Variants in SUN5 observed in about 807,000 individuals in gnomAD.
The protein encoded by SUN5 is Sad1 and UNC84 domain containing 5.
SUN5 carries 44 observed loss-of-function variants against 53.7 expected under a neutral mutation model. The observed-to-expected ratio is 0.82, with a 90% CI of 0.64 to 1.05. The LOEUF is 1.05. Among genes scored for constraint, SUN5 ranks in the 50% least tolerant of loss-of-function variants. The pLI is 0.00. For synonymous variants in SUN5, 166 were observed against 179.8 expected, an observed-to-expected ratio of 0.92 and a Z score of 0.62; for missense variants, 433 against 483.8, an observed-to-expected ratio of 0.90 and a Z score of 0.98.
chr20:32,984,981 G>T (rs1989495111), intron 12 of SUN5, 118 bp downstream of exon 12: 4 of 1,049,576 alleles, frequency 3.8e-6, no homozygotes, highest in Non-Finnish European at 5.7e-6. Context: ...CTGTCAAACA[G>T]GTTAGTCATG....
At position 32,985,594 on chromosome 20, in the gene SUN5, C is replaced by T. The variant is rs778420727; in HGVS notation, c.897+142G>A. The T allele has an allele frequency of 6.4e-5, 68 of 1,055,774 alleles. No homozygotes were observed. In the Middle Eastern group the frequency reaches 1.9e-3, roughly 29 times the overall value. 65.4% of individuals were successfully genotyped at this position (1,055,774 alleles called of 1,614,324 possible). Reference sequence around the variant, plus strand: ...GGCTGAAATTGGACCCCAGCGCTGGCCACTTCCAGCCTTAACCAAGCTGCA... The same window carrying T: ...GGCTGAAATTGGACCCCAGCGCTGGTCACTTCCAGCCTTAACCAAGCTGCA... On this transcript the variant is annotated intron_variant, in intron 11 of 12. Coordinates refer to ENST00000356173, the MANE Select transcript of SUN5 (RefSeq NM_080675.4).
chr20:32,987,875 G>A, intron 9 of SUN5, 100 bp from the exon 10 acceptor site: 1 of 848,836 alleles, frequency 1.2e-6, no homozygotes, highest in Non-Finnish European at 1.9e-6. Flanking sequence ...GAGCATTTTG[G>A]ATGAGTCACT....
chr20:33,002,663 T>G lies in SUN5; in HGVS notation c.137-2A>C. ...GGACAGGCAACAGGATGTTGTCATC[T>G]GCAGAGAGCACAGGACTGTCATGTC... On this transcript the variant is annotated splice_acceptor_variant, in intron 2 of 12. Transcript: ENST00000356173. LOFTEE classifies it high-confidence loss of function. 1 of 1,614,254 alleles carries G rather than the reference T, an allele frequency of 6.2e-7. No homozygotes were observed. The highest frequency in any genetic ancestry group is 8.5e-7 in the Non-Finnish European group (1 of 1,180,042).
rs111516221 is a variant in SUN5 at position 33,004,333 on chromosome 20, C to T, written c.8G>A (p.Arg3Gln). 9.0e-6 allele frequency: 14 copies of T among 1,563,728 alleles called. No individual in the cohort carries two copies. Among genetic ancestry groups the T allele is most frequent in the East Asian group, 4.8e-5 (2 of 42,014 alleles). Residue 3 changes from arginine (R) to glutamine (Q), a missense_variant, in exon 1 of 13, where the codon CGG (arginine) becomes CAG (glutamine). Transcript: ENST00000356173. ...TGGGTCCCCAGGGCTCCTTGAGGAC[C>T]GTGGCATCGATTTCCTTCTTTAGGA... MP[R>Q]SSRSPGDPGA...
chr20:32,986,217 A>G (rs552928120), intron 10 of SUN5, among the ~76,000 whole-genome samples: 2 of 152,058 alleles, frequency 1.3e-5, no homozygotes, highest in Admixed American at 6.6e-5. Context: ...CCCTCCCATT[A>G]TTCTTTACAT....
rs376724304 is a variant in SUN5 at position 32,983,814 on chromosome 20, G to A, written c.1120C>T (p.Pro374Ser). 5.3e-5 allele frequency: 83 copies of A among 1,557,810 alleles called. No homozygotes were observed. Among genetic ancestry groups the A allele is most frequent in the Middle Eastern group, 5.1e-4 (3 of 5,930 alleles). ...AAATTTTAATCTCTCTTAGGGTAGGGGTTCTGGTGAGGCTGCTCTCTGGGC... is the reference window on the plus strand; with the variant it reads ...AAATTTTAATCTCTCTTAGGGTAGGAGTTCTGGTGAGGCTGCTCTCTGGGC... ...APPREQPHQNPYPKRD is the reference protein window; with the variant it reads ...APPREQPHQNSYPKRD The change falls in exon 13 of 13, where the codon CCC (proline) becomes TCC (serine). Residue 374 changes from proline to serine, a missense_variant. By Grantham distance (74) the Pro-to-Ser change is moderately conservative (BLOSUM62 -1). Transcript: ENST00000356173.
intron 9 of SUN5, among the ~76,000 whole-genome samples, chr20:32,988,854 G>C (rs1600491051): frequency 1.3e-5 from 2 of 152,040 alleles, no homozygotes; most frequent in South Asian, 4.2e-4. Flanking sequence ...CTCCCAAAGT[G>C]CTGGGATTAT....
At chr20:32,998,175 C>CAAAAAAAAAAAAAAA (rs35729664) in intron 5 of SUN5, among the ~76,000 whole-genome samples, 3 of 59,734 alleles carry the variant, frequency 5.0e-5, no homozygotes, top group Middle Eastern at 0.01. Flanking sequence ...CCCATCTCTA[C>CAAAAAAAAAAAAAAA]AAAAAAAAAA....
chr20:32,997,721 A>G, intron 5 of SUN5, 34 bp from the exon 6 acceptor site: 13 of 1,612,580 alleles, frequency 8.1e-6, no homozygotes, highest in Non-Finnish European at 1.1e-5. Flanking sequence ...TGAGCCATTT[A>G]ACATGCAAGA....
At chr20:32,986,033 G>T (rs1204779519) in intron 10 of SUN5, 130 bp from the exon 11 acceptor site, 17 of 1,030,480 alleles carry the variant, frequency 1.6e-5, no homozygotes, top group African/African-American at 3.2e-5. Flanking sequence ...TGGCTCAAGT[G>T]CCACCCCCTC....
chr20:32,994,139 G>A (rs1989778948), intron 8 of SUN5, among the ~76,000 whole-genome samples: 1 of 152,214 alleles, frequency 6.6e-6, no homozygotes, highest in African/African-American at 2.4e-5. Flanking sequence ...TGCATGGGAA[G>A]GAGTCTAAAG....
chr20:33,003,668 A>G (rs2052887828), intron 1 of SUN5, among the ~76,000 whole-genome samples: 1 of 152,216 alleles, frequency 6.6e-6, no homozygotes, highest in African/African-American at 2.4e-5. Flanking sequence ...AATAAATTAT[A>G]TATACACCCA....
chr20:33,002,716 C>T, intron 2 of SUN5, 55 bp from the exon 3 acceptor site: 1 of 1,609,708 alleles, frequency 6.2e-7, no homozygotes, highest in South Asian at 1.1e-5. Flanking sequence ...TTGGTGCTTG[C>T]AGAGACCTAG....
At chr20:32,985,029 G>A (rs550183515) in intron 12 of SUN5, 70 bp downstream of exon 12, 2 of 1,507,174 alleles carry the variant, frequency 1.3e-6, no homozygotes, top group Admixed American at 3.4e-5. Flanking sequence ...GATGAAGAGG[G>A]GGTCCCTGGG....
intron 9 of SUN5, among the ~76,000 whole-genome samples, chr20:32,988,666 G>A (rs964708327): frequency 4.0e-5 from 6 of 151,814 alleles, no homozygotes; most frequent in Non-Finnish European, 8.8e-5. Flanking sequence ...CTGGCTCACC[G>A]CAACCTCCGT....
At chr20:32,987,550 T>G in intron 10 of SUN5, 110 bp downstream of exon 10, 31 of 84,924 alleles carry the variant, frequency 3.7e-4, no homozygotes, top group Middle Eastern at 4.6e-3. Flanking sequence ...ACCCCGCCCC[T>G]GCCCCCACTC....
intron 4 of SUN5, 64 bp downstream of exon 4, chr20:33,001,148 T>C: frequency 6.6e-7 from 1 of 1,521,938 alleles, no homozygotes; most frequent in South Asian, 1.2e-5. Flanking sequence ...ATGGAGGGGC[T>C]GTTATGGTCC....
chr20:32,987,861 G>C (rs866568042), intron 9 of SUN5, 86 bp from the exon 10 acceptor site: 1 of 1,077,376 alleles, frequency 9.3e-7, no homozygotes, highest in South Asian at 1.4e-5. Context: ...ACTATGTGCC[G>C]GGCGAGCATT....
chr20:32,985,591 TG>T, intron 11 of SUN5, 144 bp downstream of exon 11: 1 of 1,008,836 alleles, frequency 9.9e-7, no homozygotes, highest in Non-Finnish European at 1.4e-6. Context: ...ACCCCAGCGC[TG>T]GCCACTTCCA....
Sources: gnomAD v4.1 joint callset for allele counts (sites outside exome capture counted in the v4.1 genomes callset) on GRCh38, gnomAD v4.1.1 for gene constraint, MANE v1.5 for transcripts, NCBI Gene and HGNC (gene_info 2026-07-23, HGNC 2026-07-21) for gene names.